Variants in AKAP19 observed in about 807,000 individuals in gnomAD.
AKAP19 encodes the protein A-kinase anchoring protein 19.
chr2:189,921,008 A>G, the AKAP19 span, among the ~76,000 whole-genome samples: 2 of 152,178 alleles, frequency 1.3e-5, no homozygotes, highest in Admixed American at 1.3e-4. Context: ...TCACCCACTG[A>G]TAGACCTTTT....
At chr2:189,923,751 C>A in the AKAP19 span, 2 of 1,613,592 alleles carry the variant, frequency 1.2e-6, no homozygotes, top group Non-Finnish European at 1.7e-6. Context: ...ATTGCTCGGG[C>A]TGTAGTGCCC....
chr2:190,119,098 T>G, the AKAP19 span, among the ~76,000 whole-genome samples: 1 of 152,218 alleles, frequency 6.6e-6, no homozygotes, highest in Non-Finnish European at 1.5e-5. Context: ...AGCCAAATCA[T>G]GAGTGAACTC....
the AKAP19 span, among the ~76,000 whole-genome samples, chr2:190,197,319 G>A: frequency 6.6e-6 from 1 of 152,278 alleles, no homozygotes; most frequent in Admixed American, 6.5e-5. The surrounding 1 kb of genome is among the most constrained non-coding windows in gnomAD (Gnocchi z 4.0). Context: ...AGTGTTCAAT[G>A]AGATTGCTCC....
the AKAP19 span, among the ~76,000 whole-genome samples, chr2:190,141,689 A>G: frequency 9.9e-5 from 15 of 152,232 alleles, no homozygotes; most frequent in Non-Finnish European, 1.6e-4. Context: ...TATGGGAACT[A>G]CAATGCAAGA....
At chr2:189,921,035 T>G in the AKAP19 span, among the ~76,000 whole-genome samples, 1 of 152,190 alleles carries the variant, frequency 6.6e-6, no homozygotes, top group Non-Finnish European at 1.5e-5. Context: ...TTTCTTTGTC[T>G]TTGTGGAATT....
the AKAP19 span, among the ~76,000 whole-genome samples, chr2:190,167,559 A>ATGAGCG: frequency 2.6e-5 from 4 of 152,236 alleles, 1 homozygote; most frequent in African/African-American, 9.6e-5. Context: ...CCTTCTGCCT[A>ATGAGCG]TGAGCGTGTA....
At chr2:189,899,372 G>A in the AKAP19 span, among the ~76,000 whole-genome samples, 1 of 152,106 alleles carries the variant, frequency 6.6e-6, no homozygotes, top group African/African-American at 2.4e-5. Context: ...ATTCTGTTTT[G>A]TATTACCTTT....
the AKAP19 span, among the ~76,000 whole-genome samples, chr2:189,956,391 G>A: frequency 6.6e-6 from 1 of 150,970 alleles, no homozygotes; most frequent in Non-Finnish European, 1.5e-5. Flanking sequence ...GGATGGTCTC[G>A]ATCTCCTGAC....
the AKAP19 span, among the ~76,000 whole-genome samples, chr2:189,963,349 C>T: frequency 7.0e-6 from 1 of 142,754 alleles, no homozygotes; most frequent in East Asian, 2.0e-4. Context: ...CGCCCACCAC[C>T]ACACCTGGCT....
At chr2:189,936,537 T>G in the AKAP19 span, among the ~76,000 whole-genome samples, 1 of 152,282 alleles carries the variant, frequency 6.6e-6, no homozygotes, top group African/African-American at 2.4e-5. Context: ...AAGGATCAGG[T>G]AGTAATATTT....
At chr2:189,904,367 AG>A in the AKAP19 span, among the ~76,000 whole-genome samples, 5 of 152,078 alleles carry the variant, frequency 3.3e-5, no homozygotes, top group African/African-American at 1.2e-4. Context: ...CTCTTGGTTT[AG>A]TAGTTTTCCC....
At chr2:190,074,621 C>T in the AKAP19 span, among the ~76,000 whole-genome samples, 1 of 149,468 alleles carries the variant, frequency 6.7e-6, no homozygotes, top group Admixed American at 6.8e-5. Flanking sequence ...CCACTGCACT[C>T]CAGCCTGGCA....
At chr2:190,001,979 G>T in the AKAP19 span, among the ~76,000 whole-genome samples, 2 of 152,154 alleles carry the variant, frequency 1.3e-5, no homozygotes, top group African/African-American at 2.4e-5. Flanking sequence ...ATGCCATTTG[G>T]TATGGGCATC....
chr2:190,156,153 C>T, the AKAP19 span, among the ~76,000 whole-genome samples: 2 of 151,910 alleles, frequency 1.3e-5, no homozygotes, highest in African/African-American at 2.4e-5. Flanking sequence ...ATAGAGGGCT[C>T]AGAAGTAGAC....
the AKAP19 span, among the ~76,000 whole-genome samples, chr2:189,974,443 A>G: frequency 6.6e-6 from 1 of 152,174 alleles, no homozygotes; most frequent in Non-Finnish European, 1.5e-5. Context: ...TGCTAAGAAG[A>G]ATGTATATTC....
At chr2:190,096,141 A>T in the AKAP19 span, among the ~76,000 whole-genome samples, 1 of 152,164 alleles carries the variant, frequency 6.6e-6, no homozygotes, top group African/African-American at 2.4e-5. Context: ...ACGGCCTCTA[A>T]TACTTCCTAG....
chr2:190,070,620 C>A, the AKAP19 span, among the ~76,000 whole-genome samples: 33 of 139,758 alleles, frequency 2.4e-4, no homozygotes, highest in South Asian at 7.3e-3. Context: ...TCTCTCCCCC[C>A]CCCCTTTTTT....
chr2:190,198,278 T>A, the AKAP19 span, among the ~76,000 whole-genome samples: 29 of 152,200 alleles, frequency 1.9e-4, no homozygotes, highest in African/African-American at 6.7e-4. Context: ...AAACATCACC[T>A]CCTCTGGACA....
the AKAP19 span, chr2:189,923,259 T>G: frequency 7.0e-7 from 1 of 1,428,518 alleles, no homozygotes. Flanking sequence ...AACCCGGGAG[T>G]AGGAGACTCA....
Sources: gnomAD v4.1 joint callset for allele counts (sites outside exome capture counted in the v4.1 genomes callset) on GRCh38, gnomAD v4.1.1 for gene constraint, Gnocchi (gnomAD v3.1) non-coding constraint, MANE v1.5 for transcripts, NCBI Gene and HGNC (gene_info 2026-07-23, HGNC 2026-07-21) for gene names.